The following PTPN11 variants were observed in gnomAD, a reference collection of about 807,000 sequenced individuals.
The protein encoded by PTPN11 is tyrosine-protein phosphatase non-receptor type 11.
Under a neutral mutation model 78.8 loss-of-function variants are expected in PTPN11, and 6 were observed. The ratio of observed to expected loss-of-function variants is 0.08; its 90% CI spans 0.04 to 0.15. The LOEUF (loss-of-function observed/expected upper bound fraction) is 0.15, where lower values mean the gene tolerates loss of function less well. Among genes scored for constraint, PTPN11 ranks in the 10% least tolerant of loss-of-function variants. PTPN11 has a pLI of 1.00. For synonymous variants in PTPN11, 221 were observed against 263.5 expected, an observed-to-expected ratio of 0.84 and a Z score of 1.56; for missense variants, 386 against 744.8, an observed-to-expected ratio of 0.52 and a Z score of 5.61.
chr12:112,472,464 G>A (rs2038433399), intron 6 of PTPN11, among the ~76,000 whole-genome samples: 1 of 151,562 alleles, frequency 6.6e-6, no homozygotes, highest in Admixed American at 6.6e-5. Context: ...TATTTAGGCG[G>A]TCCTTTCCTG....
intron 1 of PTPN11, among the ~76,000 whole-genome samples, chr12:112,424,175 G>A (rs907865751): frequency 6.6e-6 from 1 of 152,286 alleles, no homozygotes; most frequent in South Asian, 2.1e-4. Context: ...GCCAGGTACC[G>A]TGCTAGGCAT....
At chr12:112,444,892 A>C (rs1046946353) in intron 1 of PTPN11, among the ~76,000 whole-genome samples, 2 of 152,070 alleles carry the variant, frequency 1.3e-5, no homozygotes, top group Admixed American at 1.3e-4. Context: ...TTACTGCCCC[A>C]ACGCTGGGAT....
At chr12:112,497,979 C>A (rs2038832093) in intron 13 of PTPN11, among the ~76,000 whole-genome samples, 1 of 151,996 alleles carries the variant, frequency 6.6e-6, no homozygotes, top group Admixed American at 6.6e-5. Flanking sequence ...ATGGTGAAAC[C>A]CTGTCTCTAT....
At chr12:112,497,405 C>T (rs2135924962) in intron 13 of PTPN11, among the ~76,000 whole-genome samples, 1 of 152,186 alleles carries the variant, frequency 6.6e-6, no homozygotes, top group East Asian at 1.9e-4. Context: ...TGATTAGATG[C>T]TGAGGTTGTA....
chr12:112,421,809 A>C (rs887493819), intron 1 of PTPN11, among the ~76,000 whole-genome samples: 1 of 151,890 alleles, frequency 6.6e-6, no homozygotes, highest in Non-Finnish European at 1.5e-5. Context: ...GTATTTTTTT[A>C]TAGAGACAGG....
chr12:112,449,661 T>C (rs1224065751), intron 2 of PTPN11, among the ~76,000 whole-genome samples: 1 of 152,234 alleles, frequency 6.6e-6, no homozygotes, highest in Admixed American at 6.5e-5. Context: ...AAAATGTTTT[T>C]CTATTATGAA....
chr12:112,483,114 A>G (rs755736434), intron 10 of PTPN11, among the ~76,000 whole-genome samples: 1 of 152,018 alleles, frequency 6.6e-6, no homozygotes, highest in Non-Finnish European at 1.5e-5. Flanking sequence ...ATATAAATAT[A>G]TCATTATAAA....
In PTPN11 at chr12:112,424,942, CCAT is replaced by C. The variant is rs140408920; in HGVS notation, c.14+5818_14+5820del. Among the ~76,000 whole-genome samples, 2,871 of 131,020 alleles carry C rather than the reference CCAT, an allele frequency of 0.022. 475 individuals carry two copies. The East Asian group carries it at 0.42, about 19-fold the overall frequency. The allele number at this position is 131,020 out of a possible 152,430, so 86.0% of individuals were successfully genotyped here. On this transcript the variant is annotated intron_variant, in intron 1 of 15. Transcript: ENST00000351677. ...GTGCTGGGACTGCAGGCACACACCA[CCAT>C]GTCAGGCTAATTGTGTGTGTGTGTG...
chr12:112,419,186 C>G, intron 1 of PTPN11, 61 bp downstream of exon 1: 2 of 1,407,992 alleles, frequency 1.4e-6, no homozygotes, highest in Non-Finnish European at 1.8e-6. Context: ...GTTCGGTTAG[C>G]CCCGTCCGGA....
chr12:112,439,289 TA>T (rs2037844424), intron 1 of PTPN11, among the ~76,000 whole-genome samples: 1 of 152,044 alleles, frequency 6.6e-6, no homozygotes, highest in Non-Finnish European at 1.5e-5. Flanking sequence ...TTAAAAAATT[TA>T]TTCTTATTTT....
chr12:112,487,826 C>T (rs953981303), intron 11 of PTPN11, among the ~76,000 whole-genome samples: 4 of 152,130 alleles, frequency 2.6e-5, no homozygotes, highest in Admixed American at 6.5e-5. Flanking sequence ...CTCTGTCACC[C>T]AGGCTAGAGT....
intron 15 of PTPN11, among the ~76,000 whole-genome samples, 153 bp from the exon 16 acceptor site, chr12:112,505,672 A>AC (rs2038925325): frequency 1.3e-5 from 2 of 151,704 alleles, no homozygotes; most frequent in Admixed American, 1.3e-4. Flanking sequence ...AAAAAAAAAA[A>AC]AAAAAAAAAC....
chr12:112,455,761 A>G (rs542150611), intron 5 of PTPN11, among the ~76,000 whole-genome samples, 189 bp from the exon 6 acceptor site: 11 of 152,080 alleles, frequency 7.2e-5, no homozygotes, highest in Non-Finnish European at 1.2e-4. Flanking sequence ...AGAAAGATAC[A>G]TTTTCTGGCT....
At chr12:112,474,941 T>G (rs2038476288) in intron 7 of PTPN11, among the ~76,000 whole-genome samples, 1 of 151,822 alleles carries the variant, frequency 6.6e-6, no homozygotes, top group South Asian at 2.1e-4. Context: ...ATATCTTCTG[T>G]AACACCCAAA....
intron 1 of PTPN11, among the ~76,000 whole-genome samples, chr12:112,439,814 C>A (rs1459291481): frequency 2.0e-5 from 3 of 148,998 alleles, no homozygotes; most frequent in African/African-American, 2.5e-5. Context: ...AAAAAAAAAA[C>A]CCAAACCATA....
At chr12:112,455,871 G>GTTT (rs140552217) in intron 5 of PTPN11, 79 bp from the exon 6 acceptor site, 108 of 681,986 alleles carry the variant, frequency 1.6e-4, no homozygotes, top group African/African-American at 6.7e-4. Flanking sequence ...ACATAGACAT[G>GTTT]TTTTTTTTTT....
At chr12:112,457,811 T>C (rs2038186866) in intron 6 of PTPN11, among the ~76,000 whole-genome samples, 1 of 152,242 alleles carries the variant, frequency 6.6e-6, no homozygotes, top group Non-Finnish European at 1.5e-5. Flanking sequence ...TGTGATCTCT[T>C]TCATTTTCTC....
intron 1 of PTPN11, among the ~76,000 whole-genome samples, chr12:112,419,538 G>A (rs1566150772): frequency 6.6e-6 from 1 of 152,146 alleles, no homozygotes; most frequent in Non-Finnish European, 1.5e-5. Flanking sequence ...GGGGAGTTGC[G>A]CGGGGCCGGG....
intron 1 of PTPN11, among the ~76,000 whole-genome samples, chr12:112,437,934 G>C (rs2037819947): frequency 6.6e-6 from 1 of 152,010 alleles, no homozygotes; most frequent in Admixed American, 6.6e-5. Flanking sequence ...AATTTTTGTA[G>C]ACTGCATTTC....
Sources: gnomAD v4.1 joint callset for allele counts (sites outside exome capture counted in the v4.1 genomes callset) on GRCh38, gnomAD v4.1.1 for gene constraint, MANE v1.5 for transcripts, NCBI Gene and HGNC (gene_info 2026-07-23, HGNC 2026-07-21) for gene names.